LRRC4C: variants seen among roughly 807,000 people sequenced by gnomAD.
LRRC4C encodes leucine-rich repeat-containing protein 4C.
Under a neutral mutation model 33.6 loss-of-function variants are expected in LRRC4C, and 5 were observed. The ratio of observed to expected loss-of-function variants is 0.15; its 90% CI spans 0.08 to 0.31. LRRC4C has a LOEUF of 0.31. Among genes scored for constraint, LRRC4C ranks in the 10% least tolerant of loss-of-function variants. The probability of loss-of-function intolerance (pLI) is 1.00; values close to 1 mark genes in which losing one functional copy is unlikely to be tolerated. For synonymous variants in LRRC4C, 329 were observed against 302.0 expected (o/e 1.09, Z -0.93); for missense variants, 560 against 796.7 (o/e 0.70, Z 3.58).
chr11:40,746,758 G>A (rs2136950363), intron 2 of LRRC4C, among the ~76,000 whole-genome samples: 1 of 152,258 alleles, frequency 6.6e-6, no homozygotes, highest in African/African-American at 2.4e-5. Context: ...TCCTCTTGGT[G>A]AACTGAACAC....
chr11:41,311,508 A>C (rs534781364), intron 1 of LRRC4C, among the ~76,000 whole-genome samples: 2 of 152,288 alleles, frequency 1.3e-5, no homozygotes, highest in Non-Finnish European at 2.9e-5. Flanking sequence ...AACTTCCTCT[A>C]CTGTATTTTT....
At chr11:40,865,760 G>A (rs1954333652) in intron 2 of LRRC4C, among the ~76,000 whole-genome samples, 1 of 151,554 alleles carries the variant, frequency 6.6e-6, no homozygotes, top group Non-Finnish European at 1.5e-5. Context: ...ATAAACCTTT[G>A]GGTAAAGGTA....
intron 1 of LRRC4C, among the ~76,000 whole-genome samples, chr11:41,343,269 CT>C: frequency 6.6e-6 from 1 of 152,288 alleles, no homozygotes; most frequent in South Asian, 2.1e-4. Context: ...TGCCTAACAT[CT>C]GCAAACATCT....
chr11:40,526,520 C>T (rs1478959894), intron 3 of LRRC4C, among the ~76,000 whole-genome samples: 1 of 152,048 alleles, frequency 6.6e-6, no homozygotes, highest in Non-Finnish European at 1.5e-5. Context: ...AATTGAAACT[C>T]AATGTGTTAT....
intron 3 of LRRC4C, among the ~76,000 whole-genome samples, chr11:40,333,552 A>G (rs1268056003): frequency 6.6e-6 from 1 of 151,848 alleles, no homozygotes; most frequent in East Asian, 1.9e-4. Flanking sequence ...TCCCGTCTCT[A>G]CTAAAAATAC....
chr11:40,945,266 C>T (rs1360823529), intron 1 of LRRC4C, among the ~76,000 whole-genome samples: 1 of 151,782 alleles, frequency 6.6e-6, no homozygotes, highest in Non-Finnish European at 1.5e-5. Flanking sequence ...GTGATCCACC[C>T]GTCTCGGCCT....
chr11:41,085,949 A>C (rs944830495), intron 1 of LRRC4C, among the ~76,000 whole-genome samples: 1 of 150,044 alleles, frequency 6.7e-6, no homozygotes, highest in Admixed American at 6.7e-5. Flanking sequence ...AAAAAAAAAA[A>C]AAAGAAAGAA....
rs531217707 is a variant in LRRC4C at position 40,492,344 on chromosome 11, T to G, written c.-270+155798A>C. 3.3e-5 allele frequency among the ~76,000 whole-genome samples: 5 copies of G among 152,340 alleles called. No individual in the cohort carries two copies. The South Asian group carries it at 1.0e-3, about 32-fold the overall frequency. On this transcript the variant is annotated intron_variant, in intron 3 of 6. Transcript: ENST00000528697. The stretch of plus-strand genomic sequence containing the variant: ...TCATTTTAAGTAGATCCCACAGATA[T>G]ACAAATTATGAAAGACCATTTTGCT...
intron 1 of LRRC4C, among the ~76,000 whole-genome samples, chr11:41,217,673 A>G (rs1403724885): frequency 6.6e-6 from 1 of 152,154 alleles, no homozygotes; most frequent in African/African-American, 2.4e-5. Context: ...AGTGATGAAA[A>G]AGACTTGATT....
Position 40,194,772 on chromosome 11 carries a change from C to T in LRRC4C, c.-96+46747G>A, listed in dbSNP as rs548199607. The stretch of plus-strand genomic sequence containing the variant: ...TATCCCAGAACTTAAAGTATAATAA[C>T]AAAAAATCTATAGATTATTAAAGAA... On this transcript the variant is annotated intron_variant, in intron 5 of 6. Transcript: ENST00000528697. Among the ~76,000 whole-genome samples the T allele has an allele frequency of 5.9e-5, 9 of 152,198 alleles. No homozygotes were observed. In the South Asian group the frequency reaches 1.7e-3, roughly 28 times the overall value.
chr11:41,148,028 C>CT (rs904987564), intron 1 of LRRC4C, among the ~76,000 whole-genome samples: 1 of 151,300 alleles, frequency 6.6e-6, no homozygotes, highest in Non-Finnish European at 1.5e-5. Flanking sequence ...TATTTTTTTT[C>CT]TTTTTTTTGA....
At chr11:40,885,937 T>C (rs1228416227) in intron 2 of LRRC4C, among the ~76,000 whole-genome samples, 1 of 152,040 alleles carries the variant, frequency 6.6e-6, no homozygotes, top group Non-Finnish European at 1.5e-5. Context: ...GCAGAATGCA[T>C]GGGGCTAGGA....
intron 1 of LRRC4C, among the ~76,000 whole-genome samples, chr11:41,425,866 C>T (rs372875166): frequency 2.0e-5 from 3 of 151,962 alleles, no homozygotes; most frequent in Non-Finnish European, 2.9e-5. Flanking sequence ...TGAGTGGAAT[C>T]GGGAGTGAGC....
At chr11:40,628,480 A>AACAAC (rs1555123958) in intron 3 of LRRC4C, among the ~76,000 whole-genome samples, 1 of 150,818 alleles carries the variant, frequency 6.6e-6, no homozygotes. Flanking sequence ...TCCATCTCAA[A>AACAAC]AAAACAAAAC....
chr11:40,937,603 ATGTGTGTGTGTGTGTGTGTG>A (rs35416837), intron 1 of LRRC4C, among the ~76,000 whole-genome samples: 3 of 135,898 alleles, frequency 2.2e-5, no homozygotes, highest in Admixed American at 7.3e-5. Flanking sequence ...GTGTGTGTAT[ATGTGTGTGTGTGTGTGTGTG>A]TGTGTGTGTG....
At chr11:40,279,128 C>A (rs1943306461) in intron 4 of LRRC4C, among the ~76,000 whole-genome samples, 2 of 152,266 alleles carry the variant, frequency 1.3e-5, no homozygotes, top group South Asian at 4.1e-4. Context: ...CAAACTACAC[C>A]TGAACTCCAT....
At chr11:40,652,558 C>G (rs191857340) in intron 2 of LRRC4C, among the ~76,000 whole-genome samples, 2 of 152,156 alleles carry the variant, frequency 1.3e-5, no homozygotes, top group Non-Finnish European at 2.9e-5. Flanking sequence ...GAAGAGATAG[C>G]AGGATCACAC....
intron 2 of LRRC4C, among the ~76,000 whole-genome samples, chr11:40,803,830 T>C (rs542575246): frequency 6.6e-6 from 1 of 152,306 alleles, no homozygotes; most frequent in Non-Finnish European, 1.5e-5. Context: ...ACATGAGATA[T>C]TTTGATACAG....
chr11:40,483,595 G>A (rs1029901624), intron 3 of LRRC4C, among the ~76,000 whole-genome samples: 7 of 151,910 alleles, frequency 4.6e-5, no homozygotes, highest in Non-Finnish European at 7.4e-5. Context: ...GTGACTGATT[G>A]CAGGAAAAAA....
Sources: gnomAD v4.1 joint callset for allele counts (sites outside exome capture counted in the v4.1 genomes callset) on GRCh38, gnomAD v4.1.1 for gene constraint, MANE v1.5 for transcripts, NCBI Gene and HGNC (gene_info 2026-07-23, HGNC 2026-07-21) for gene names.